DLG2: variants seen among roughly 807,000 people sequenced by gnomAD.
The protein encoded by DLG2 is discs large MAGUK scaffold protein 2.
A neutral mutation model predicts 132.5 loss-of-function variants in DLG2; 45 were observed. That is an observed-to-expected ratio of 0.34 (90% confidence interval 0.27 to 0.44). The LOEUF is 0.44. Ranked by LOEUF, DLG2 falls within the 20% of genes least tolerant of loss-of-function variation. The pLI is 1.00. For synonymous variants in DLG2, 424 were observed against 419.6 expected (o/e 1.01, Z -0.13); for missense variants, 1,045 against 1,196.9 (o/e 0.87, Z 1.87).
intron 6 of DLG2, among the ~76,000 whole-genome samples, chr11:84,837,598 T>C (rs1427053323): frequency 1.3e-5 from 2 of 151,784 alleles, no homozygotes; most frequent in African/African-American, 2.4e-5. Flanking sequence ...AATTCAACCA[T>C]TGTGTGATTT....
intron 7 of DLG2, among the ~76,000 whole-genome samples, chr11:84,529,335 G>T (rs966350744): frequency 6.6e-6 from 1 of 152,102 alleles, no homozygotes; most frequent in Non-Finnish European, 1.5e-5. Flanking sequence ...ATCCAAATAG[G>T]AAGAGAAGGG....
chr11:83,795,188 A>G (rs1019346089), intron 17 of DLG2, among the ~76,000 whole-genome samples: 5 of 151,974 alleles, frequency 3.3e-5, no homozygotes, highest in African/African-American at 9.7e-5. Flanking sequence ...GGCAGATCAT[A>G]AGGTCAGGAG....
intron 23 of DLG2, 72 bp from the exon 24 acceptor site, chr11:83,471,799 G>T: frequency 8.0e-7 from 1 of 1,256,052 alleles, no homozygotes; most frequent in Non-Finnish European, 1.1e-6. Flanking sequence ...TCCTGCAAGG[G>T]TGATTCTTAA....
chr11:85,476,879 C>G (rs530232855), intron 3 of DLG2, among the ~76,000 whole-genome samples: 51 of 151,864 alleles, frequency 3.4e-4, no homozygotes, highest in Non-Finnish European at 6.3e-4. Flanking sequence ...AGAGTACACT[C>G]TAAAATAATA....
intron 17 of DLG2, among the ~76,000 whole-genome samples, chr11:83,807,471 G>T (rs185919981): frequency 6.6e-6 from 1 of 152,278 alleles, no homozygotes; most frequent in Non-Finnish European, 1.5e-5. Flanking sequence ...GATGTGAACG[G>T]AGCTGCAAAG....
Position 84,792,179 on chromosome 11 carries a change from A to G in DLG2, c.358-257448T>C, listed in dbSNP as rs1031418127. On this transcript the variant is annotated intron_variant, in intron 6 of 27. Transcript: ENST00000376104. ...TTTTATCAAATGCTTTTTAGCATCA[A>G]TTGAAAAGATCATGTGGTTTTTGTC... 5.9e-5 allele frequency among the ~76,000 whole-genome samples: 9 copies of G among 152,304 alleles called. No individual in the cohort carries two copies. In the East Asian group the frequency reaches 1.5e-3, roughly 26 times the overall value.
At chr11:85,439,356 AT>A (rs35516320) in intron 3 of DLG2, among the ~76,000 whole-genome samples, 14,812 of 132,314 alleles carry the variant, frequency 0.11, 792 homozygotes, top group African/African-American at 0.19. Flanking sequence ...CTTCCTCAGC[AT>A]TTTTTTTTTT....
At chr11:84,106,978 G>A (rs2092992315) in intron 9 of DLG2, among the ~76,000 whole-genome samples, 2 of 34,204 alleles carry the variant, frequency 5.8e-5, no homozygotes, top group African/African-American at 1.6e-4. Context: ...TTTAGCCTTA[G>A]GGTGTGTGTG....
At chr11:85,169,873 T>G (rs879791528) in intron 4 of DLG2, among the ~76,000 whole-genome samples, 5 of 152,180 alleles carry the variant, frequency 3.3e-5, no homozygotes, top group Non-Finnish European at 7.4e-5. Context: ...TAATTTCCTT[T>G]AATTCAAGTG....
At chr11:84,681,568 C>T (rs536358574) in intron 6 of DLG2, among the ~76,000 whole-genome samples, 2 of 152,242 alleles carry the variant, frequency 1.3e-5, no homozygotes, top group Admixed American at 6.5e-5. Context: ...AATAAAACTT[C>T]AGAACACAGA....
chr11:83,870,714 G>T (rs894984700), intron 16 of DLG2, among the ~76,000 whole-genome samples: 3 of 152,086 alleles, frequency 2.0e-5, no homozygotes, highest in Admixed American at 2.0e-4. Context: ...TCAGCGGTGT[G>T]CATGCTAATT....
chr11:85,036,024 T>C (rs978683302), intron 6 of DLG2, among the ~76,000 whole-genome samples: 1 of 152,254 alleles, frequency 6.6e-6, no homozygotes, highest in African/African-American at 2.4e-5. Context: ...TGGGTTTAAA[T>C]ACTATTTCTG....
intron 6 of DLG2, among the ~76,000 whole-genome samples, chr11:84,723,382 T>G (rs1360676683): frequency 1.3e-5 from 2 of 152,202 alleles, no homozygotes; most frequent in Non-Finnish European, 2.9e-5. Flanking sequence ...TATATTTCAT[T>G]TCCTTGACTT....
At chr11:85,134,389 C>T (rs1274520468) in intron 5 of DLG2, among the ~76,000 whole-genome samples, 9 of 149,556 alleles carry the variant, frequency 6.0e-5, no homozygotes, top group Admixed American at 3.3e-4. Flanking sequence ...ATTAGCCGGG[C>T]GTAGTGGCGG....
At chr11:84,896,648 C>G (rs1314963964) in intron 6 of DLG2, among the ~76,000 whole-genome samples, 1 of 151,908 alleles carries the variant, frequency 6.6e-6, no homozygotes, top group African/African-American at 2.4e-5. Flanking sequence ...TGCCACTTAT[C>G]CACAGTTTTG....
At chr11:85,474,334 A>C (rs2093074069) in intron 3 of DLG2, among the ~76,000 whole-genome samples, 1 of 152,024 alleles carries the variant, frequency 6.6e-6, no homozygotes, top group Non-Finnish European at 1.5e-5. Context: ...ATTTGAATTG[A>C]ATCTGTATAT....
intron 7 of DLG2, among the ~76,000 whole-genome samples, chr11:84,381,862 G>A (rs1050189183): frequency 3.3e-5 from 5 of 152,130 alleles, no homozygotes; most frequent in African/African-American, 1.2e-4. Flanking sequence ...AACTTAGATT[G>A]TCTATCTGCC....
chr11:84,001,078 C>T (rs542489838), intron 11 of DLG2, among the ~76,000 whole-genome samples: 3 of 151,840 alleles, frequency 2.0e-5, no homozygotes, highest in Non-Finnish European at 4.4e-5. Context: ...ATGACAGGAA[C>T]AAAACCTCAT....
intron 18 of DLG2, chr11:83,647,791 T>C (rs1350719485): frequency 6.6e-6 from 1 of 152,168 alleles, no homozygotes; most frequent in Non-Finnish European, 1.5e-5. Context: ...AACAAAAATA[T>C]AGGCAGGTGT....
Sources: allele counts gnomAD v4.1 joint callset (sites outside exome capture counted in the v4.1 genomes callset), GRCh38; gene constraint gnomAD v4.1.1; transcripts MANE v1.5; gene names NCBI Gene and HGNC (gene_info 2026-07-23, HGNC 2026-07-21).